RYR3: variants seen among roughly 807,000 people sequenced by gnomAD.
The protein encoded by RYR3 is ryanodine receptor 3.
Under a neutral mutation model 584.3 loss-of-function variants are expected in RYR3, and 207 were observed. That is an observed-to-expected ratio of 0.35 (90% confidence interval 0.32 to 0.40). RYR3 has a LOEUF of 0.40. Among genes scored for constraint, RYR3 ranks in the 10% least tolerant of loss-of-function variants. RYR3 has a pLI of 1.00. For missense variants in RYR3, 5,616 were observed against 6,089.2 expected (o/e 0.92, Z 2.59); for synonymous variants, 2,416 against 2,248.5 (o/e 1.07, Z -2.11).
intron 43 of RYR3, 31 bp from the exon 44 acceptor site, chr15:33,722,684 T>C (rs755722364): frequency 1.4e-5 from 22 of 1,592,278 alleles, no homozygotes; most frequent in African/African-American, 2.7e-5. Context: ...GTCCTTTTCA[T>C]TGAGAAGGAA....
intron 1 of RYR3, among the ~76,000 whole-genome samples, chr15:33,430,850 G>A (rs1035944505): frequency 3.3e-5 from 5 of 152,130 alleles, no homozygotes; most frequent in African/African-American, 9.7e-5. Context: ...TGCTCTGGGG[G>A]TGAGAGATGT....
At chr15:33,343,285 T>C (rs1027251333) in intron 1 of RYR3, among the ~76,000 whole-genome samples, 1 of 152,194 alleles carries the variant, frequency 6.6e-6, no homozygotes, top group African/African-American at 2.4e-5. Context: ...CCACTTTCCC[T>C]AAGCGGCCCT....
At chr15:33,713,860 G>T (rs2067296921) in intron 43 of RYR3, among the ~76,000 whole-genome samples, 2 of 152,150 alleles carry the variant, frequency 1.3e-5, no homozygotes, top group Non-Finnish European at 2.9e-5. Flanking sequence ...TTTTGTAGTG[G>T]CACAAATCCC....
At chr15:33,671,860 G>T (rs1430135623) in intron 38 of RYR3, among the ~76,000 whole-genome samples, 1 of 132,130 alleles carries the variant, frequency 7.6e-6, no homozygotes, top group Non-Finnish European at 1.6e-5. Context: ...TGTCACCCAG[G>T]CTGGAGTGCA....
chr15:33,789,215 C>T (rs1424342616), intron 67 of RYR3, among the ~76,000 whole-genome samples: 3 of 151,970 alleles, frequency 2.0e-5, no homozygotes, highest in Non-Finnish European at 4.4e-5. Context: ...AACACGGGGC[C>T]GAGAGTCCAG....
chr15:33,725,008 A>C (rs1596319645), intron 45 of RYR3, among the ~76,000 whole-genome samples: 1 of 151,992 alleles, frequency 6.6e-6, no homozygotes, highest in Non-Finnish European at 1.5e-5. Context: ...TTCGCACTCT[A>C]GCTTTCCTGA....
At chr15:33,724,027 C>A in intron 44 of RYR3, 38 bp from the exon 45 acceptor site, 1 of 1,243,804 alleles carries the variant, frequency 8.0e-7, no homozygotes, top group Non-Finnish European at 1.2e-6. Context: ...CAGTGCCTGC[C>A]AACCTTCCTC....
intron 64 of RYR3, among the ~76,000 whole-genome samples, chr15:33,775,464 C>T (rs115059443): frequency 0.013 from 1,918 of 152,202 alleles, 30 homozygotes; most frequent in African/African-American, 0.043. Context: ...TGTGTTTAGC[C>T]CTAGCAATGT....
chr15:33,759,282 G>A (rs1445913299), intron 60 of RYR3, among the ~76,000 whole-genome samples: 1 of 152,188 alleles, frequency 6.6e-6, no homozygotes, highest in Non-Finnish European at 1.5e-5. Flanking sequence ...AACAAAACTG[G>A]ACAGAGAATG....
intron 2 of RYR3, among the ~76,000 whole-genome samples, chr15:33,495,848 T>G (rs543266794): frequency 6.6e-6 from 1 of 152,346 alleles, no homozygotes; most frequent in East Asian, 1.9e-4. Context: ...GTATAGATAT[T>G]AATGACTGGC....
chr15:33,776,697 T>C (rs2074015922), intron 64 of RYR3, among the ~76,000 whole-genome samples: 1 of 152,192 alleles, frequency 6.6e-6, no homozygotes, highest in Non-Finnish European at 1.5e-5. Context: ...TTTAGTACCC[T>C]CTGGAATATA....
chr15:33,523,793 C>A (rs557511328), intron 3 of RYR3, among the ~76,000 whole-genome samples: 1 of 152,196 alleles, frequency 6.6e-6, no homozygotes, highest in Admixed American at 6.5e-5. Context: ...GCAACGAATC[C>A]CTGCAGCAGG....
intron 2 of RYR3, among the ~76,000 whole-genome samples, chr15:33,476,538 T>G (rs761297308): frequency 1.3e-5 from 2 of 152,238 alleles, no homozygotes; most frequent in Non-Finnish European, 1.5e-5. Flanking sequence ...TATTCAGACA[T>G]TCTCTGTTTT....
intron 1 of RYR3, among the ~76,000 whole-genome samples, chr15:33,462,796 A>G (rs144121236): frequency 1.3e-4 from 20 of 152,286 alleles, no homozygotes; most frequent in African/African-American, 4.8e-4. Context: ...CTTAGAGTGC[A>G]TCATATGATG....
In RYR3 at chr15:33,581,543, C is replaced by T; in HGVS notation, c.1473C>T (p.Arg491=). The T allele has an allele frequency of 6.2e-7, 1 of 1,613,672 alleles. No individual in the cohort carries two copies. Among genetic ancestry groups the T allele is most frequent in the South Asian group, 1.1e-5 (1 of 91,080 alleles). The change falls in exon 14 of 104, where the codon CGC becomes CGT. Residue 491 remains arginine (R), a synonymous_variant. Transcript: ENST00000634891. ...MLALVLNCID[R]LNVYNSVAHF... ...CCCTTGTCTTAAATTGCATTGACCG[C>T]TTAAATGTCTACAATAGCGTAGCAC...
intron 98 of RYR3, 68 bp from the exon 99 acceptor site, chr15:33,857,712 T>C (rs890561969): frequency 6.3e-7 from 1 of 1,577,240 alleles, no homozygotes; most frequent in East Asian, 2.3e-5. Flanking sequence ...TTTCTTAGAG[T>C]CTCCTGTGAA....
chr15:33,688,968 A>G (rs1412225396), intron 38 of RYR3, among the ~76,000 whole-genome samples: 2 of 152,150 alleles, frequency 1.3e-5, no homozygotes, highest in African/African-American at 4.8e-5. Context: ...AAGACTTGGA[A>G]CCAACCCAAA....
chr15:33,341,596 G>C (rs890231670), intron 1 of RYR3, among the ~76,000 whole-genome samples: 4 of 152,196 alleles, frequency 2.6e-5, no homozygotes, highest in Middle Eastern at 3.4e-3. Context: ...AGTATATATT[G>C]TACCATCTAC....
chr15:33,821,712 C>CA, intron 80 of RYR3, 110 bp downstream of exon 80: 1 of 984,240 alleles, frequency 1.0e-6, no homozygotes. Context: ...CACCCAGAAT[C>CA]ACTTAGCTCA....
Sources: gnomAD v4.1 joint callset for allele counts (sites outside exome capture counted in the v4.1 genomes callset) on GRCh38, gnomAD v4.1.1 for gene constraint, MANE v1.5 for transcripts, NCBI Gene and HGNC (gene_info 2026-07-23, HGNC 2026-07-21) for gene names.